SLC39A8: variants seen among roughly 807,000 people sequenced by gnomAD.
The protein encoded by SLC39A8 is metal cation symporter ZIP8.
In SLC39A8, 15 loss-of-function variants were observed where a neutral mutation model predicts 40.4. The observed-to-expected ratio is 0.37, with a 90% confidence interval of 0.25 to 0.57. The LOEUF (loss-of-function observed/expected upper bound fraction) is 0.57, where lower values mean the gene tolerates loss of function less well. Among genes scored for constraint, SLC39A8 ranks in the 20% least tolerant of loss-of-function variants. The probability of loss-of-function intolerance (pLI) is 0.75; values close to 1 mark genes in which losing one functional copy is unlikely to be tolerated. For synonymous variants in SLC39A8, 223 were observed against 221.6 expected (o/e 1.01, Z -0.06); for missense variants, 472 against 558.8 (o/e 0.84, Z 1.57).
chr4:102,295,918 G>C (rs2149027669), intron 6 of SLC39A8, among the ~76,000 whole-genome samples: 1 of 152,186 alleles, frequency 6.6e-6, no homozygotes, highest in East Asian at 1.9e-4. Flanking sequence ...AGTTCTTAAT[G>C]TAGTGTTTTC....
chr4:102,269,986 C>T (rs1560528312), intron 6 of SLC39A8, among the ~76,000 whole-genome samples: 1 of 151,990 alleles, frequency 6.6e-6, no homozygotes, highest in Non-Finnish European at 1.5e-5. Flanking sequence ...TGCCCCAGAG[C>T]GGGAAGCAAT....
At chr4:102,333,737 C>A (rs933315382) in intron 2 of SLC39A8, among the ~76,000 whole-genome samples, 2 of 152,108 alleles carry the variant, frequency 1.3e-5, no homozygotes, top group African/African-American at 4.8e-5. Flanking sequence ...AGTAAGCCAA[C>A]TCATGTAGAA....
At chr4:102,289,883 G>A (rs566490433) in intron 6 of SLC39A8, among the ~76,000 whole-genome samples, 1 of 152,274 alleles carries the variant, frequency 6.6e-6, no homozygotes, top group South Asian at 2.1e-4. Flanking sequence ...GAACAACGTT[G>A]AAATGACAAC....
intron 11 of SLC39A8, among the ~76,000 whole-genome samples, chr4:102,254,791 A>C (rs991165350): frequency 6.6e-6 from 1 of 152,188 alleles, no homozygotes; most frequent in Admixed American, 6.5e-5. Flanking sequence ...CCTGCTCTTA[A>C]AAATCATATG....
chr4:102,252,638 T>A (rs960450592), exon 12 of SLC39A8: 2 of 152,230 alleles, frequency 1.3e-5, no homozygotes, highest in Admixed American at 1.3e-4. Context: ...AAGAGGCTTG[T>A]CAATTCAGTG....
At chr4:102,266,231 T>C (rs904922086) in intron 8 of SLC39A8, among the ~76,000 whole-genome samples, 14 of 152,198 alleles carry the variant, frequency 9.2e-5, no homozygotes, top group Admixed American at 7.2e-4. Context: ...ATGAGTATTA[T>C]TTCTTAGTAT....
In SLC39A8 at chr4:102,305,229, T is replaced by C. The variant is rs538880127; in HGVS notation, c.553-118A>G. 1.6e-5 allele frequency: 17 copies of C among 1,070,314 alleles called. No homozygotes were observed. In the East Asian group the frequency reaches 4.1e-4, roughly 26 times the overall value. 66.3% of individuals were successfully genotyped at this position (1,070,314 alleles called of 1,614,324 possible). ...TAAGTCTCTCTTCACATCCAAGTAA[T>C]ATTGGAAACTTAGCTGCCAAAAATC... On this transcript the variant is annotated intron_variant, in intron 4 of 8. Coordinates refer to ENST00000356736, the MANE Select transcript of SLC39A8 (RefSeq NM_001135146.2).
intron 6 of SLC39A8, among the ~76,000 whole-genome samples, chr4:102,299,532 T>G (rs1733825191): frequency 6.6e-6 from 1 of 151,966 alleles, no homozygotes. Flanking sequence ...GTTGAATGAA[T>G]TATGTGTATT....
At chr4:102,259,507 T>G, downstream of SLC39A8, 1 of 1,544,092 alleles carries the variant, frequency 6.5e-7, no homozygotes, top group Non-Finnish European at 8.8e-7. Context: ...AGTAGCCCAT[T>G]TGATTATCTA....
At chr4:102,321,923 G>A (rs778298394) in intron 2 of SLC39A8, among the ~76,000 whole-genome samples, 2 of 152,144 alleles carry the variant, frequency 1.3e-5, no homozygotes, top group Admixed American at 6.5e-5. Context: ...GCAAAAGCAC[G>A]AAAAAGAGCC....
chr4:102,287,879 A>G (rs536133644), intron 6 of SLC39A8, among the ~76,000 whole-genome samples: 11 of 152,132 alleles, frequency 7.2e-5, no homozygotes, highest in Non-Finnish European at 1.6e-4. Flanking sequence ...CAGCTTTCCT[A>G]TCTGTACAAT....
At chr4:102,300,609 G>T (rs1472329120) in intron 6 of SLC39A8, among the ~76,000 whole-genome samples, 1 of 151,888 alleles carries the variant, frequency 6.6e-6, no homozygotes, top group Non-Finnish European at 1.5e-5. Flanking sequence ...TTAACTCACT[G>T]TAATTTTTAG....
chr4:102,286,805 C>T (rs1168978448), intron 6 of SLC39A8, among the ~76,000 whole-genome samples: 1 of 152,146 alleles, frequency 6.6e-6, no homozygotes, highest in African/African-American at 2.4e-5. Flanking sequence ...CAAGGTTTCA[C>T]TATGCGGGCA....
At chr4:102,307,301 C>G in intron 4 of SLC39A8, 135 bp downstream of exon 4, 1 of 1,030,908 alleles carries the variant, frequency 9.7e-7, no homozygotes, top group Non-Finnish European at 1.5e-6. Context: ...TGCTGTGATT[C>G]AGCTTTCTCT....
intron 2 of SLC39A8, among the ~76,000 whole-genome samples, chr4:102,317,755 C>A (rs1220019964): frequency 2.6e-5 from 4 of 152,122 alleles, no homozygotes; most frequent in African/African-American, 9.7e-5. Context: ...ATTCCTCCAA[C>A]TGTAAAATAG....
intron 8 of SLC39A8, among the ~76,000 whole-genome samples, chr4:102,266,617 CT>C (rs11446392): frequency 9.4e-5 from 14 of 149,150 alleles, no homozygotes; most frequent in South Asian, 2.1e-4. Flanking sequence ...CATGCACACT[CT>C]TTTTTTTTTA....
chr4:102,315,781 G>GC lies in SLC39A8; in HGVS notation c.268_269insG (p.Thr90SerfsTer25). The GC allele has an allele frequency of 6.2e-7, 1 of 1,612,880 alleles. No homozygotes were observed. Among genetic ancestry groups the GC allele is most frequent in the East Asian group, 2.2e-5 (1 of 44,838 alleles). ...AGAGAATTTGGAGCTGGTTATTTGG[G>GC]TAGCATTTGAAAAGCCATGAAGGGA... On this transcript the variant is annotated frameshift_variant, in exon 3 of 9. Transcript: ENST00000356736. LOFTEE classifies it high-confidence loss of function.
At chr4:102,325,412 T>TAC (rs1250635271) in intron 2 of SLC39A8, among the ~76,000 whole-genome samples, 1 of 147,962 alleles carries the variant, frequency 6.8e-6, no homozygotes, top group South Asian at 2.3e-4. Flanking sequence ...CACACTCATA[T>TAC]ACACACACAC....
At chr4:102,326,930 C>T (rs899189896) in intron 2 of SLC39A8, among the ~76,000 whole-genome samples, 1 of 152,078 alleles carries the variant, frequency 6.6e-6, no homozygotes, top group Non-Finnish European at 1.5e-5. Context: ...TTCTTCTGCC[C>T]AAACTGCAAC....
Sources: gnomAD v4.1 joint callset for allele counts (sites outside exome capture counted in the v4.1 genomes callset) on GRCh38, gnomAD v4.1.1 for gene constraint, MANE v1.5 for transcripts, NCBI Gene and HGNC (gene_info 2026-07-23, HGNC 2026-07-21) for gene names.